DENND1A: variants seen among roughly 807,000 people sequenced by gnomAD.
DENND1A encodes the protein DENN domain-containing protein 1A.
In DENND1A, 51 loss-of-function variants were observed where a neutral mutation model predicts 113.7. The observed-to-expected ratio is 0.45, with a 90% CI of 0.36 to 0.57. The LOEUF (loss-of-function observed/expected upper bound fraction) is 0.57, where lower values mean the gene tolerates loss of function less well. Ranked by LOEUF, DENND1A falls within the 20% of genes least tolerant of loss-of-function variation. The pLI is 0.00. For missense variants in DENND1A, 1,258 were observed against 1,395.9 expected, an observed-to-expected ratio of 0.90 and a Z score of 1.57; for synonymous variants, 565 against 570.8, an observed-to-expected ratio of 0.99 and a Z score of 0.14.
chr9:123,744,599 C>T (rs2069311724), intron 5 of DENND1A, among the ~76,000 whole-genome samples: 1 of 152,094 alleles, frequency 6.6e-6, no homozygotes, highest in Non-Finnish European at 1.5e-5. Flanking sequence ...TACCTCATTA[C>T]CAAGTGTCAT....
intron 2 of DENND1A, among the ~76,000 whole-genome samples, chr9:123,801,824 G>A (rs1834724474): frequency 6.6e-6 from 1 of 151,988 alleles, no homozygotes; most frequent in African/African-American, 2.4e-5. Context: ...CCTAAACCTG[G>A]CCAGCTTAAT....
intron 5 of DENND1A, among the ~76,000 whole-genome samples, chr9:123,711,522 T>TATATACATATATATATAC (rs1554970736): frequency 3.4e-4 from 48 of 142,882 alleles, no homozygotes; most frequent in African/African-American, 1.3e-3. Context: ...TGTATATATA[T>TATATACATATATATATAC]ATATATATAT....
intron 10 of DENND1A, among the ~76,000 whole-genome samples, chr9:123,623,743 T>C (rs2061064390): frequency 6.6e-6 from 1 of 152,240 alleles, no homozygotes; most frequent in African/African-American, 2.4e-5. Flanking sequence ...TTTTCATTTA[T>C]TAACTGCATG....
At chr9:123,675,599 C>T (rs2064030180) in intron 6 of DENND1A, among the ~76,000 whole-genome samples, 1 of 152,006 alleles carries the variant, frequency 6.6e-6, no homozygotes, top group Non-Finnish European at 1.5e-5. Context: ...AATCTTAGGC[C>T]ATTTACAAAA....
chr9:123,846,997 A>C (rs1842712657), intron 2 of DENND1A, among the ~76,000 whole-genome samples: 1 of 152,132 alleles, frequency 6.6e-6, no homozygotes, highest in African/African-American at 2.4e-5. Context: ...ACACTAAATC[A>C]ATGGGTTTTT....
In DENND1A at chr9:123,381,494, C is replaced by A. The variant is rs1285963938; in HGVS notation, c.3151G>T (p.Ala1051Ser). 6.2e-7 allele frequency: 1 copy of A among 1,613,444 alleles called. No individual in the cohort carries two copies. The highest frequency in any genetic ancestry group is 1.7e-5 in the Admixed American group (1 of 60,000). ...ACCGAGTCTGGGGCCGGGGCCAGGG[C>A]CGGACTCGGGCTCACGTCTTGCTTG... Reference protein sequence around the residue: ...KTKQDVSPSPALAPAPDSVEQ... With the variant: ...KTKQDVSPSPSLAPAPDSVEQ... The change falls in exon 24 of 24, where the codon GCC (alanine) becomes TCC (serine). Residue 1051 changes from alanine (A) to serine (S), a missense_variant. By Grantham distance (99) the Ala-to-Ser change is moderately conservative (BLOSUM62 1). This residue lies in a region of DENND1A where 1,159 missense variants were observed against 1,231.7 expected (regional missense o/e 0.94). Transcript: ENST00000394215. The surrounding 1 kb of genome is among the most constrained non-coding windows in gnomAD (Gnocchi z 4.7).
At chr9:123,431,642 A>G (rs1264236342) in intron 19 of DENND1A, among the ~76,000 whole-genome samples, 1 of 152,228 alleles carries the variant, frequency 6.6e-6, no homozygotes, top group Non-Finnish European at 1.5e-5. Flanking sequence ...CCAAGAGAGG[A>G]TACCACCTGA....
chr9:123,838,589 T>C (rs780623388), intron 2 of DENND1A, among the ~76,000 whole-genome samples: 2 of 152,144 alleles, frequency 1.3e-5, no homozygotes, highest in African/African-American at 4.8e-5. Context: ...TTAGTAACAA[T>C]AGATCAGACC....
At chr9:123,398,994 C>T (rs573043924) in intron 21 of DENND1A, among the ~76,000 whole-genome samples, 1 of 151,552 alleles carries the variant, frequency 6.6e-6, no homozygotes, top group African/African-American at 2.4e-5. Context: ...CGGGGTTTCG[C>T]CATGTTAGCC....
intron 5 of DENND1A, among the ~76,000 whole-genome samples, chr9:123,690,124 A>AG (rs1245842689): frequency 3.7e-5 from 2 of 54,394 alleles, no homozygotes; most frequent in African/African-American, 7.7e-5. Flanking sequence ...AAAAGGAGGG[A>AG]GGGGGGAAGA....
At chr9:123,830,602 CAA>C (rs1411101499) in intron 2 of DENND1A, among the ~76,000 whole-genome samples, 1 of 151,998 alleles carries the variant, frequency 6.6e-6, no homozygotes, top group African/African-American at 2.4e-5. Context: ...CAGTGGCTCA[CAA>C]GTGTAATCCC....
intron 1 of DENND1A, among the ~76,000 whole-genome samples, chr9:123,920,397 C>A (rs1196336465): frequency 1.3e-5 from 2 of 152,178 alleles, no homozygotes; most frequent in Admixed American, 6.5e-5. Context: ...CCACTGCACT[C>A]CAGCCTGGGC....
chr9:123,592,603 T>C (rs545639505), intron 11 of DENND1A, among the ~76,000 whole-genome samples: 2 of 152,344 alleles, frequency 1.3e-5, no homozygotes, highest in African/African-American at 2.4e-5. Context: ...GGTGGTTACA[T>C]GTATATGTCC....
At chr9:123,672,128 A>G (rs1306353568) in intron 6 of DENND1A, among the ~76,000 whole-genome samples, 1 of 152,254 alleles carries the variant, frequency 6.6e-6, no homozygotes, top group East Asian at 1.9e-4. Context: ...CAAAAGGTGA[A>G]GCAACTTGTC....
intron 13 of DENND1A, among the ~76,000 whole-genome samples, chr9:123,502,285 A>G (rs2052558563): frequency 6.7e-6 from 1 of 150,120 alleles, no homozygotes; most frequent in African/African-American, 2.5e-5. Context: ...CTACATATGT[A>G]TGTCCTGTTA....
At chr9:123,804,853 G>C (rs568367344) in intron 2 of DENND1A, among the ~76,000 whole-genome samples, 15 of 152,230 alleles carry the variant, frequency 9.9e-5, no homozygotes, top group Admixed American at 3.9e-4. Flanking sequence ...AGGTTTTCCT[G>C]CTTCTGGTTC....
Position 123,489,827 on chromosome 9 carries a change from C to T in DENND1A, c.994-31930G>A, listed in dbSNP as rs1035775507. On this transcript the variant is annotated intron_variant, in intron 13 of 23. Coordinates refer to ENST00000394215, the MANE Select transcript of DENND1A (RefSeq NM_001352964.2). ...TGGAAAAACACGGGCTGAACAGCCA[C>T]AGCTAGACAGTGGGTTAGTAGCTGT... Among the ~76,000 whole-genome samples, 18 of 152,206 alleles carry T rather than the reference C, an allele frequency of 1.2e-4. 1 individual carries two copies.
rs1482869604 is a variant in DENND1A at position 123,828,773 on chromosome 9, A to G, written c.89-36143T>C. On this transcript the variant is annotated intron_variant, in intron 2 of 23. Transcript: ENST00000394215. ...AAGATCCTGAAAGAAAATAAATGCC[A>G]AGCTAGATTTCTATACCCAATGAAA... 3.3e-5 allele frequency among the ~76,000 whole-genome samples: 5 copies of G among 152,252 alleles called. No individual in the cohort carries two copies. In the South Asian group the frequency reaches 1.0e-3, roughly 32 times the overall value.
chr9:123,490,863 G>C (rs1430430683), intron 13 of DENND1A, among the ~76,000 whole-genome samples: 3 of 152,230 alleles, frequency 2.0e-5, no homozygotes, highest in African/African-American at 7.2e-5. Context: ...GAGGCACATT[G>C]CAAGTGCTCT....
Sources: gnomAD v4.1 joint callset for allele counts (sites outside exome capture counted in the v4.1 genomes callset) on GRCh38, gnomAD v4.1.1 for gene constraint, gnomAD v4.1.1 regional missense constraint, Gnocchi (gnomAD v3.1) non-coding constraint, MANE v1.5 for transcripts, NCBI Gene and HGNC (gene_info 2026-07-23, HGNC 2026-07-21) for gene names.